The following AUTS2 variants were observed in gnomAD, a reference collection of about 807,000 sequenced individuals.
AUTS2 encodes the protein autism susceptibility gene 2 protein.
AUTS2 carries 17 observed loss-of-function variants against 112.4 expected under a neutral mutation model. The observed-to-expected ratio is 0.15, with a 90% confidence interval of 0.10 to 0.23. The LOEUF is 0.23. Among genes scored for constraint, AUTS2 ranks in the 10% least tolerant of loss-of-function variants. AUTS2 has a pLI of 1.00. For missense variants in AUTS2, 1,510 were observed against 1,701.6 expected, an observed-to-expected ratio of 0.89 and a Z score of 1.98; for synonymous variants, 751 against 702.7, an observed-to-expected ratio of 1.07 and a Z score of -1.09.
intron 1 of AUTS2, among the ~76,000 whole-genome samples, chr7:69,866,735 G>A (rs554505672): frequency 3.4e-4 from 52 of 152,312 alleles, no homozygotes; most frequent in African/African-American, 1.2e-3. Context: ...AAAGGTAAGA[G>A]CCTAGGGTCT....
At position 70,159,529 on chromosome 7, in the gene AUTS2, A is replaced by G. The variant is rs539545271; in HGVS notation, c.660+24958A>G. On this transcript the variant is annotated intron_variant, in intron 4 of 18. Coordinates refer to ENST00000342771, the MANE Select transcript of AUTS2 (RefSeq NM_015570.4). ...GAGTCATACACAGGAGGACGTATGC[A>G]ATATAGTAGAATTTAGATGTGTTAT... Among the ~76,000 whole-genome samples, 8 of 152,324 alleles carry G rather than the reference A, an allele frequency of 5.3e-5. No individual in the cohort carries two copies. In the East Asian group the frequency reaches 1.5e-3, roughly 29 times the overall value.
At chr7:70,144,896 G>A (rs1022045633) in intron 4 of AUTS2, among the ~76,000 whole-genome samples, 2 of 152,030 alleles carry the variant, frequency 1.3e-5, no homozygotes, top group African/African-American at 2.4e-5. Flanking sequence ...AATGGATTCT[G>A]TCTTAAGAAC....
chr7:70,258,871 A>G (rs1787020718), intron 4 of AUTS2, among the ~76,000 whole-genome samples: 2 of 152,154 alleles, frequency 1.3e-5, no homozygotes. Context: ...TCTTTTCCCA[A>G]TAATCTGTGA....
intron 5 of AUTS2, among the ~76,000 whole-genome samples, chr7:70,465,962 G>C (rs143874694): frequency 1.3e-5 from 2 of 152,130 alleles, no homozygotes; most frequent in African/African-American, 4.8e-5. Context: ...GGAAAGTCTC[G>C]GGCAGAAGGT....
chr7:69,662,602 T>C (rs1314917381), intron 1 of AUTS2, among the ~76,000 whole-genome samples: 1 of 152,194 alleles, frequency 6.6e-6, no homozygotes, highest in Non-Finnish European at 1.5e-5. Flanking sequence ...CCATTAACCT[T>C]ATAGGGCTGG....
At chr7:70,450,043 C>T (rs1213860196) in intron 5 of AUTS2, among the ~76,000 whole-genome samples, 1 of 152,110 alleles carries the variant, frequency 6.6e-6, no homozygotes, top group Non-Finnish European at 1.5e-5. Flanking sequence ...AATTTGCATG[C>T]CATGCAGTAC....
Position 70,748,118 on chromosome 7 carries a change from G to A in AUTS2, c.743-14752G>A, listed in dbSNP as rs932400313. Among the ~76,000 whole-genome samples, 10 of 151,194 alleles carry A rather than the reference G, an allele frequency of 6.6e-5. No individual in the cohort carries two copies. The East Asian group carries it at 1.2e-3, about 18-fold the overall frequency. ...GCTAGGATTACAGGCATGAGCCACC[G>A]CGCCTGGCCCAGAGAGCTCATTTCT... On this transcript the variant is annotated intron_variant, in intron 6 of 18. Transcript: ENST00000342771.
Position 70,789,977 on chromosome 7 carries a change from G to A in AUTS2, c.2761G>A (p.Gly921Arg), listed in dbSNP as rs576715792. Residue 921 changes from glycine to arginine, a missense_variant, in exon 19 of 19, where the codon GGG becomes AGG. Gly to Arg is a moderately radical substitution (Grantham distance 125). Around this residue, in one of 3 missense-constraint regions of AUTS2, gnomAD observed 788 missense variants for 797.6 expected, o/e 0.99. Transcript: ENST00000342771. The part of the protein sequence containing the change: ...AKEGHLPEKD[G>R]HGHEGRAAGE... ...AGAGGGCCACCTGCCCGAGAAGGACGGGCACGGCCACGAGGGGCGCGCCGC... is the reference window on the plus strand; with the variant it reads ...AGAGGGCCACCTGCCCGAGAAGGACAGGCACGGCCACGAGGGGCGCGCCGC... The A allele has an allele frequency of 2.1e-5, 34 of 1,611,988 alleles. No homozygotes were observed. Among genetic ancestry groups the A allele is most frequent in the Non-Finnish European group, 2.7e-5 (32 of 1,179,228 alleles).
intron 5 of AUTS2, among the ~76,000 whole-genome samples, chr7:70,565,480 A>G (rs1801670692): frequency 6.6e-6 from 1 of 152,104 alleles, no homozygotes; most frequent in Non-Finnish European, 1.5e-5. Context: ...GGAATTCAAG[A>G]CCAGCCTGGG....
intron 4 of AUTS2, among the ~76,000 whole-genome samples, chr7:70,401,979 G>T (rs1401902786): frequency 6.6e-6 from 1 of 152,232 alleles, no homozygotes; most frequent in African/African-American, 2.4e-5. Context: ...CCAGGTTTCT[G>T]ATCAACTCAT....
intron 4 of AUTS2, among the ~76,000 whole-genome samples, chr7:70,279,305 G>A (rs1218895514): frequency 6.6e-6 from 1 of 152,196 alleles, no homozygotes; most frequent in African/African-American, 2.4e-5. Context: ...TTTAAGAGCA[G>A]TGCTTACCAG....
At chr7:69,876,349 AATATATATAT>A (rs61416382) in intron 1 of AUTS2, among the ~76,000 whole-genome samples, 530 of 29,488 alleles carry the variant, frequency 0.018, 7 homozygotes, top group African/African-American at 0.018. Flanking sequence ...AAAAAAAAAA[AATATATATAT>A]ATATATATAT....
intron 5 of AUTS2, among the ~76,000 whole-genome samples, chr7:70,442,111 T>C (rs1453282818): frequency 6.6e-6 from 1 of 152,200 alleles, no homozygotes; most frequent in African/African-American, 2.4e-5. Flanking sequence ...CCAGATTTCA[T>C]AGCAGCAAAG....
intron 2 of AUTS2, among the ~76,000 whole-genome samples, chr7:70,078,782 T>C (rs1803161149): frequency 6.6e-6 from 1 of 152,200 alleles, no homozygotes; most frequent in African/African-American, 2.4e-5. Context: ...GCATCCTGTT[T>C]CATACTGAGA....
intron 4 of AUTS2, among the ~76,000 whole-genome samples, chr7:70,434,138 T>G (rs1287634527): frequency 6.6e-6 from 1 of 152,222 alleles, no homozygotes; most frequent in Non-Finnish European, 1.5e-5. Flanking sequence ...GTTCCTTCTT[T>G]TCTTTGTTTA....
intron 2 of AUTS2, among the ~76,000 whole-genome samples, chr7:70,098,025 A>G (rs1804290952): frequency 1.3e-5 from 2 of 152,242 alleles, no homozygotes; most frequent in Admixed American, 1.3e-4. Flanking sequence ...ACACATTTGC[A>G]GCATTTATTA....
chr7:70,343,129 T>C lies in AUTS2; in HGVS notation c.661-92623T>C, dbSNP rs539016217. 2.0e-5 allele frequency among the ~76,000 whole-genome samples: 3 copies of C among 152,334 alleles called. No individual in the cohort carries two copies. In the East Asian group the frequency reaches 5.8e-4, roughly 29 times the overall value. On this transcript the variant is annotated intron_variant, in intron 4 of 18. Transcript: ENST00000342771. Reference sequence around the variant, plus strand: ...TCTATGAAATTTTAATTATAGTTGATTAAATATTCACTTTAATCATCTTAA... The same window carrying C: ...TCTATGAAATTTTAATTATAGTTGACTAAATATTCACTTTAATCATCTTAA...
At chr7:70,403,969 C>T (rs1436418663) in intron 4 of AUTS2, among the ~76,000 whole-genome samples, 3 of 152,140 alleles carry the variant, frequency 2.0e-5, no homozygotes, top group Non-Finnish European at 4.4e-5. Flanking sequence ...CAAGAAGTAG[C>T]AATGAGTCCA....
At chr7:70,450,722 TG>T (rs1796496440) in intron 5 of AUTS2, among the ~76,000 whole-genome samples, 1 of 151,960 alleles carries the variant, frequency 6.6e-6, no homozygotes, top group South Asian at 2.1e-4. Flanking sequence ...GCATGAAGGA[TG>T]GAGTGAAAGG....
Sources: gnomAD v4.1 joint callset for allele counts (sites outside exome capture counted in the v4.1 genomes callset) on GRCh38, gnomAD v4.1.1 for gene constraint, gnomAD v4.1.1 regional missense constraint, MANE v1.5 for transcripts, NCBI Gene and HGNC (gene_info 2026-07-23, HGNC 2026-07-21) for gene names.